Variants in OSBPL10 observed in about 807,000 individuals in gnomAD.
OSBPL10 encodes the protein oxysterol binding protein like 10.
OSBPL10 carries 49 observed loss-of-function variants against 81.7 expected under a neutral mutation model. The observed-to-expected ratio is 0.60, with a 90% CI of 0.48 to 0.76. OSBPL10 has a LOEUF of 0.76. Ranked by LOEUF, OSBPL10 falls within the 30% of genes least tolerant of loss-of-function variation. The pLI is 0.00. For synonymous variants in OSBPL10, 419 were observed against 383.6 expected (o/e 1.09, Z -1.08); for missense variants, 923 against 987.8 (o/e 0.93, Z 0.88).
intron 4 of OSBPL10, among the ~76,000 whole-genome samples, chr3:31,773,410 T>TG (rs1188988573): frequency 6.6e-6 from 1 of 152,066 alleles, no homozygotes; most frequent in East Asian, 1.9e-4. Context: ...AACTGTAAAA[T>TG]GGGGCTCACA....
chr3:31,718,066 A>G (rs1239801961), intron 6 of OSBPL10: 1 of 152,088 alleles, frequency 6.6e-6, no homozygotes, highest in Non-Finnish European at 1.5e-5. Context: ...TCCTTTCAAT[A>G]CTAAATATTC....
intron 1 of OSBPL10, among the ~76,000 whole-genome samples, chr3:32,055,928 G>A (rs1304414138): frequency 6.6e-6 from 1 of 152,120 alleles, no homozygotes; most frequent in Admixed American, 6.5e-5. Flanking sequence ...GTAAACCCAT[G>A]GCTGGCCTTG....
intron 2 of OSBPL10, among the ~76,000 whole-genome samples, chr3:31,993,562 A>T (rs1359883252): frequency 1.3e-5 from 2 of 152,190 alleles, no homozygotes; most frequent in Non-Finnish European, 2.9e-5. Flanking sequence ...ACCAAATAAG[A>T]TATACAGATG....
At chr3:31,959,697 A>G (rs1334966096) in intron 1 of OSBPL10, among the ~76,000 whole-genome samples, 5 of 152,216 alleles carry the variant, frequency 3.3e-5, no homozygotes, top group Admixed American at 6.5e-5. Context: ...ACTGAGAAGC[A>G]TATTCTGTTT....
At chr3:32,016,719 T>C (rs1699316061) in intron 2 of OSBPL10, among the ~76,000 whole-genome samples, 1 of 152,196 alleles carries the variant, frequency 6.6e-6, no homozygotes, top group South Asian at 2.1e-4. Context: ...TAGTCTCAAG[T>C]TTTAATGCTC....
chr3:32,030,027 A>G (rs1699451448), intron 2 of OSBPL10, among the ~76,000 whole-genome samples: 1 of 152,226 alleles, frequency 6.6e-6, no homozygotes, highest in African/African-American at 2.4e-5. Flanking sequence ...GACTCTATTA[A>G]GCCATTAAAT....
At chr3:32,055,465 G>A (rs1699702705) in intron 1 of OSBPL10, among the ~76,000 whole-genome samples, 1 of 151,786 alleles carries the variant, frequency 6.6e-6, no homozygotes, top group Non-Finnish European at 1.5e-5. Flanking sequence ...CAAAGTGCTG[G>A]GATTACAGGC....
intron 6 of OSBPL10, among the ~76,000 whole-genome samples, chr3:31,712,176 C>T (rs917160796): frequency 6.6e-6 from 1 of 152,202 alleles, no homozygotes; most frequent in Non-Finnish European, 1.5e-5. Flanking sequence ...CCATCTGGTC[C>T]AACAGCTTTC....
chr3:31,736,636 C>A (rs909531969), intron 5 of OSBPL10, among the ~76,000 whole-genome samples: 3 of 152,154 alleles, frequency 2.0e-5, no homozygotes, highest in Non-Finnish European at 4.4e-5. Flanking sequence ...TTTGAAAATT[C>A]TTTGCTTTAT....
rs142971223 is a variant in OSBPL10 at position 31,849,608 on chromosome 3, C to T, written c.538-19377G>A. Among the ~76,000 whole-genome samples, 1,096 of 152,230 alleles carry T rather than the reference C, an allele frequency of 7.2e-3. 14 individuals carry two copies. The highest frequency in any genetic ancestry group is 0.025 in the African/African-American group (1,047 of 41,532). On this transcript the variant is annotated intron_variant, in intron 3 of 11. Coordinates refer to ENST00000396556, the MANE Select transcript of OSBPL10 (RefSeq NM_017784.5). ...TACTATATAACCAAAAAAATACCCA[C>T]CAAGAGATTGCTATAACGTTGTTAT...
In OSBPL10 at chr3:31,946,453, C is replaced by T. The variant is rs191140060; in HGVS notation, c.281+34446G>A. Among the ~76,000 whole-genome samples the T allele has an allele frequency of 2.7e-5, 4 of 150,220 alleles. No individual in the cohort carries two copies. The East Asian group carries it at 7.8e-4, about 29-fold the overall frequency. ...AAGAAAAATTAAGAATTTTTTAAGTCGTTTCCTTCCTGACTACTATGTACA... is the reference window on the plus strand; with the variant it reads ...AAGAAAAATTAAGAATTTTTTAAGTTGTTTCCTTCCTGACTACTATGTACA... On this transcript the variant is annotated intron_variant, in intron 1 of 11. Coordinates refer to ENST00000396556, the MANE Select transcript of OSBPL10 (RefSeq NM_017784.5).
chr3:31,965,633 T>C (rs1698338892), intron 1 of OSBPL10, among the ~76,000 whole-genome samples: 1 of 78,222 alleles, frequency 1.3e-5, no homozygotes, highest in Non-Finnish European at 2.2e-5. Context: ...TATTATATAA[T>C]ATATTATATA....
chr3:31,883,528 G>GTT (rs758735127), intron 1 of OSBPL10, among the ~76,000 whole-genome samples: 8 of 129,602 alleles, frequency 6.2e-5, no homozygotes, highest in Non-Finnish European at 8.0e-5. Context: ...GCATGAGCCT[G>GTT]TTTTTTTTTT....
chr3:31,993,681 T>TACATACAC (rs1699059488), intron 2 of OSBPL10, among the ~76,000 whole-genome samples: 1 of 147,216 alleles, frequency 6.8e-6, no homozygotes, highest in Admixed American at 6.7e-5. Context: ...TACACACACA[T>TACATACAC]ACACACACAC....
intron 2 of OSBPL10, among the ~76,000 whole-genome samples, chr3:32,003,195 CACTT>C (rs1223242301): frequency 6.6e-6 from 1 of 152,244 alleles, no homozygotes; most frequent in African/African-American, 2.4e-5. Context: ...GACTGCGTAA[CACTT>C]ACATCAGAAC....
Position 31,661,562 on chromosome 3 carries a change from A to G in OSBPL10, c.*510T>C, listed in dbSNP as rs2125491114. The G allele has an allele frequency of 6.6e-6, 1 of 152,372 alleles. No individual in the cohort carries two copies. Among genetic ancestry groups the G allele is most frequent in the East Asian group, 1.9e-4 (1 of 5,188 alleles). The allele number at this position is 152,372 out of a possible 1,614,324, so 9.4% of individuals were successfully genotyped here. A position where few individuals can be genotyped will look rare whatever the true frequency, so the allele number is the denominator to read the frequency against. On this transcript the variant is annotated 3_prime_UTR_variant, in exon 12 of 12. Transcript: ENST00000396556. ...TGAGGTGGGGAGGGAGGTGAGAATC[A>G]CAATAATTTTGAAATGATAACCACC...
intron 7 of OSBPL10, among the ~76,000 whole-genome samples, chr3:31,690,945 A>G (rs1416092012): frequency 2.0e-5 from 3 of 151,340 alleles, no homozygotes; most frequent in Admixed American, 6.6e-5. Context: ...GTGTTTGCAA[A>G]TAAGTCATTT....
At chr3:32,019,897 A>G (rs1266215814) in intron 2 of OSBPL10, among the ~76,000 whole-genome samples, 1 of 152,164 alleles carries the variant, frequency 6.6e-6, no homozygotes, top group African/African-American at 2.4e-5. Flanking sequence ...ATAACTATCA[A>G]TCTTTGACTA....
At chr3:32,042,757 C>T (rs1260407892) in intron 2 of OSBPL10, among the ~76,000 whole-genome samples, 1 of 152,020 alleles carries the variant, frequency 6.6e-6, no homozygotes, top group Non-Finnish European at 1.5e-5. Context: ...GGAGGGGGTG[C>T]AAGAACAGGG....
Sources: gnomAD v4.1 joint callset for allele counts (sites outside exome capture counted in the v4.1 genomes callset) on GRCh38, gnomAD v4.1.1 for gene constraint, MANE v1.5 for transcripts, NCBI Gene and HGNC (gene_info 2026-07-23, HGNC 2026-07-21) for gene names.